Variants in PUS10 observed in about 807,000 individuals in gnomAD.
PUS10 encodes pseudouridine synthase 10, also known as tRNA pseudouridine synthase Pus10.
Under a neutral mutation model 75.0 loss-of-function variants are expected in PUS10, and 59 were observed. The ratio of observed to expected loss-of-function variants is 0.79; its 90% CI spans 0.64 to 0.98. The LOEUF (loss-of-function observed/expected upper bound fraction) is 0.98, where lower values mean the gene tolerates loss of function less well. PUS10 is among the 50% of genes least tolerant of loss of function. The pLI is 0.00. For synonymous variants in PUS10, 219 were observed against 211.6 expected (o/e 1.03, Z -0.30); for missense variants, 650 against 614.4 (o/e 1.06, Z -0.61).
chr2:60,966,497 T>C (rs918976083), intron 6 of PUS10: 2 of 152,262 alleles, frequency 1.3e-5, no homozygotes, highest in African/African-American at 4.8e-5. Flanking sequence ...ACGCATTCCT[T>C]TTATTCAGGG....
intron 11 of PUS10, among the ~76,000 whole-genome samples, chr2:60,959,900 C>G (rs1262810321): frequency 6.6e-6 from 1 of 151,974 alleles, no homozygotes; most frequent in Non-Finnish European, 1.5e-5. Context: ...AATATATGGC[C>G]AAGTGCAGTG....
Position 60,955,093 on chromosome 2 carries a change from GA to G in PUS10, c.1001-20del, listed in dbSNP as rs746713230. On this transcript the variant is annotated intron_variant, in intron 11 of 17. Coordinates refer to ENST00000316752, the MANE Select transcript of PUS10 (RefSeq NM_144709.4). ...TTAAAACCTTTGAAAAGCAGATAAA[GA>G]AAAAAAAATTAGAGACATCATAGCT... is the stretch of plus-strand genomic sequence containing the variant. 1.0e-4 allele frequency: 151 copies of G among 1,511,404 alleles called. No homozygotes were observed. Among genetic ancestry groups the G allele is most frequent in the South Asian group, 4.1e-4 (34 of 82,556 alleles). 93.6% of individuals were successfully genotyped at this position (1,511,404 alleles called of 1,614,324 possible).
intron 8 of PUS10, among the ~76,000 whole-genome samples, chr2:60,964,515 A>G (rs1200906949): frequency 6.6e-6 from 1 of 152,244 alleles, no homozygotes; most frequent in African/African-American, 2.4e-5. Context: ...GTCCGTTAAC[A>G]TGAAGATTAG....
intron 12 of PUS10, 118 bp from the exon 13 acceptor site, chr2:60,954,276 A>AGGAGGT: frequency 2.4e-6 from 2 of 837,978 alleles, no homozygotes; most frequent in Non-Finnish European, 3.9e-6. Flanking sequence ...CTGAAAGTTT[A>AGGAGGT]GTGACATGAC....
intron 11 of PUS10, 48 bp downstream of exon 11, chr2:60,960,342 TCA>T (rs1491256718): frequency 1.7e-6 from 2 of 1,166,734 alleles, no homozygotes; most frequent in South Asian, 3.4e-5. Flanking sequence ...AGCCCCTATC[TCA>T]AAAAAAAAAA....
At chr2:61,007,579 G>T (rs1679303823) in intron 3 of PUS10, among the ~76,000 whole-genome samples, 1 of 151,884 alleles carries the variant, frequency 6.6e-6, no homozygotes, top group Admixed American at 6.6e-5. Flanking sequence ...GACCAGACTG[G>T]CCAACATGGT....
chr2:60,970,653 G>A (rs939637358), intron 5 of PUS10, among the ~76,000 whole-genome samples: 5 of 151,998 alleles, frequency 3.3e-5, no homozygotes, highest in African/African-American at 1.2e-4. Context: ...CAGAGCCTGG[G>A]CGGGGGAGGG....
At chr2:60,979,529 C>G (rs1414374324) in intron 4 of PUS10, among the ~76,000 whole-genome samples, 1 of 152,172 alleles carries the variant, frequency 6.6e-6, no homozygotes, top group Non-Finnish European at 1.5e-5. Flanking sequence ...CCACCACCAT[C>G]TCCTCACCCC....
At chr2:60,951,697 C>T (rs1486489754) in intron 15 of PUS10, among the ~76,000 whole-genome samples, 1 of 152,208 alleles carries the variant, frequency 6.6e-6, no homozygotes, top group African/African-American at 2.4e-5. Context: ...ATCTGCTGCT[C>T]ATTTTCTGCT....
chr2:60,947,996 AAT>A (rs763114914), intron 16 of PUS10, 45 bp downstream of exon 16: 1 of 1,609,926 alleles, frequency 6.2e-7, no homozygotes, highest in Admixed American at 1.7e-5. Flanking sequence ...GAACTTTTCC[AAT>A]AGAGTTCTGG....
chr2:60,945,191 G>T, intron 16 of PUS10, 83 bp from the exon 17 acceptor site: 1 of 831,764 alleles, frequency 1.2e-6, no homozygotes, highest in Non-Finnish European at 2.1e-6. Flanking sequence ...ATAATAATAA[G>T]AGCAGAAATG....
chr2:60,999,241 T>C (rs1678683923), intron 4 of PUS10, among the ~76,000 whole-genome samples: 2 of 152,332 alleles, frequency 1.3e-5, no homozygotes, highest in South Asian at 4.1e-4. Flanking sequence ...TAGCCTAATA[T>C]TAGCATATGT....
rs372376037 is a variant in PUS10, at chr2:61,008,452, T to C, written c.381+309A>G. 1.4e-3 allele frequency among the ~76,000 whole-genome samples: 209 copies of C among 152,078 alleles called. 1 individual carries two copies. The highest frequency in any genetic ancestry group is 4.9e-3 in the African/African-American group (203 of 41,482). On this transcript the variant is annotated intron_variant, in intron 3 of 17. Coordinates refer to ENST00000316752, the MANE Select transcript of PUS10 (RefSeq NM_144709.4). ...GCTGCGATGAGCCAAGATCACACCA[T>C]TGCACTACAGCCTGGACAACAAGAG...
intron 4 of PUS10, among the ~76,000 whole-genome samples, chr2:60,981,377 G>A (rs1215812900): frequency 6.6e-6 from 1 of 151,984 alleles, no homozygotes; most frequent in Non-Finnish European, 1.5e-5. Flanking sequence ...TTGCCTCCCA[G>A]GTTCAAGCGA....
chr2:60,982,357 G>A (rs1171028833), intron 4 of PUS10, among the ~76,000 whole-genome samples: 1 of 152,020 alleles, frequency 6.6e-6, no homozygotes, highest in Non-Finnish European at 1.5e-5. Flanking sequence ...CCACCTCCTG[G>A]GTTCATGCAA....
At chr2:60,985,697 C>T (rs1337154608) in intron 4 of PUS10, among the ~76,000 whole-genome samples, 10 of 152,030 alleles carry the variant, frequency 6.6e-5, no homozygotes, top group African/African-American at 1.9e-4. Flanking sequence ...GATGGGGTTT[C>T]GCCATGTTGG....
intron 4 of PUS10, among the ~76,000 whole-genome samples, chr2:60,986,161 G>C (rs1438669119): frequency 2.0e-5 from 3 of 151,988 alleles, no homozygotes; most frequent in Non-Finnish European, 4.4e-5. Context: ...CAGTTTTAAA[G>C]TGCTCTCCCA....
chr2:61,012,219 G>C (rs1483429777), intron 1 of PUS10, among the ~76,000 whole-genome samples: 2 of 152,154 alleles, frequency 1.3e-5, no homozygotes, highest in Non-Finnish European at 2.9e-5. Flanking sequence ...GGAGGGTAAT[G>C]AAAACAGAGG....
chr2:60,942,085 T>G lies in PUS10; in HGVS notation c.*310A>C. ...TACAGCTTCTTAGGTTAACAGAGAA[T>G]GTGTCCTGTTTGTGCACCTCTCTAA... On this transcript the variant is annotated 3_prime_UTR_variant, in exon 18 of 18. Coordinates refer to ENST00000316752, the MANE Select transcript of PUS10 (RefSeq NM_144709.4). 3.7e-6 allele frequency: 1 copy of G among 271,952 alleles called. No homozygotes were observed. 16.8% of individuals were successfully genotyped at this position (271,952 alleles called of 1,614,324 possible).
Sources: allele counts gnomAD v4.1 joint callset (sites outside exome capture counted in the v4.1 genomes callset), GRCh38; gene constraint gnomAD v4.1.1; transcripts MANE v1.5; gene names NCBI Gene and HGNC (gene_info 2026-07-23, HGNC 2026-07-21).